The following SNX29 variants were observed in gnomAD, a reference collection of about 807,000 sequenced individuals.
SNX29 encodes sorting nexin-29.
A neutral mutation model predicts 102.1 loss-of-function variants in SNX29; 78 were observed. The ratio of observed to expected loss-of-function variants is 0.76; its 90% CI spans 0.64 to 0.92. The LOEUF (loss-of-function observed/expected upper bound fraction) is 0.92. Ranked by LOEUF, SNX29 falls within the 40% of genes least tolerant of loss-of-function variation. SNX29 has a pLI of 0.00. For missense variants in SNX29, 1,280 were observed against 1,061.7 expected, an observed-to-expected ratio of 1.21 and a Z score of -2.86; for synonymous variants, 580 against 414.5, an observed-to-expected ratio of 1.40 and a Z score of -4.85.
chr16:12,370,268 A>C (rs550366824), intron 16 of SNX29, among the ~76,000 whole-genome samples: 1 of 150,782 alleles, frequency 6.6e-6, no homozygotes, highest in South Asian at 2.1e-4. Context: ...ATCAACAACA[A>C]AAATAAAGGT....
chr16:12,564,942 A>AC (rs1567215142), intron 20 of SNX29, among the ~76,000 whole-genome samples: 1 of 83,900 alleles, frequency 1.2e-5, no homozygotes, highest in Non-Finnish European at 2.3e-5. Flanking sequence ...GTTAAAAAAA[A>AC]AAAAAAAAAG....
chr16:12,032,061 C>G (rs2057359653), intron 4 of SNX29, among the ~76,000 whole-genome samples: 3 of 152,186 alleles, frequency 2.0e-5, no homozygotes, highest in African/African-American at 7.2e-5. Context: ...CTTTCTGCCT[C>G]AGTGCATTCT....
At chr16:12,359,486 G>C (rs939812802) in intron 16 of SNX29, among the ~76,000 whole-genome samples, 7 of 152,048 alleles carry the variant, frequency 4.6e-5, no homozygotes, top group African/African-American at 1.4e-4. Context: ...ACAGTATTTG[G>C]TTTTCTTGCT....
At chr16:12,220,948 A>G (rs2077459639) in intron 14 of SNX29, among the ~76,000 whole-genome samples, 1 of 152,142 alleles carries the variant, frequency 6.6e-6, no homozygotes, top group Admixed American at 6.5e-5. Flanking sequence ...AGCGCTGCAC[A>G]TTTTCTAAAA....
At chr16:12,561,456 C>T (rs1221786484) in intron 20 of SNX29, among the ~76,000 whole-genome samples, 2 of 152,158 alleles carry the variant, frequency 1.3e-5, no homozygotes, top group Non-Finnish European at 2.9e-5. Context: ...GCTTCAAAGG[C>T]AGCTCCTAGT....
rs1034104010 is a variant in SNX29, at chr16:12,569,885, T to G, written c.*1256T>G. 1 of 231,338 alleles carries G rather than the reference T, an allele frequency of 4.3e-6. No homozygotes were observed. The highest frequency in any genetic ancestry group is 8.5e-6 in the Non-Finnish European group (1 of 117,004). 14.3% of individuals were successfully genotyped at this position (231,338 alleles called of 1,614,324 possible). ...TGGACTATGCAAGAGTAAGTTTGTGTGTTTCGCCTTAATCTGAGGCAGAGA... is the reference window on the plus strand; with the variant it reads ...TGGACTATGCAAGAGTAAGTTTGTGGGTTTCGCCTTAATCTGAGGCAGAGA... On this transcript the variant is annotated 3_prime_UTR_variant, in exon 21 of 21. Transcript: ENST00000566228.
Position 12,277,915 on chromosome 16 carries a change from G to A in SNX29, c.1679-18G>A. 2 of 1,585,232 alleles carry A rather than the reference G, an allele frequency of 1.3e-6. No homozygotes were observed. The highest frequency in any genetic ancestry group is 8.6e-7 in the Non-Finnish European group (1 of 1,162,626). On this transcript the variant is annotated intron_variant, in intron 14 of 20. Coordinates refer to ENST00000566228, the MANE Select transcript of SNX29 (RefSeq NM_032167.5). ...GATACTGTTGAAATATTTATGACAT[G>A]TCTCTCTTTCTCTAAAGTGCCAAAT...
At chr16:12,350,345 T>C (rs2151291285) in intron 15 of SNX29, among the ~76,000 whole-genome samples, 1 of 152,318 alleles carries the variant, frequency 6.6e-6, no homozygotes, top group East Asian at 1.9e-4. Flanking sequence ...AGCACTTACA[T>C]CATATCAGGT....
chr16:12,085,267 C>T (rs2052106766), intron 11 of SNX29, among the ~76,000 whole-genome samples: 1 of 152,144 alleles, frequency 6.6e-6, no homozygotes, highest in African/African-American at 2.4e-5. Context: ...GTTAAGAACA[C>T]AGCAGGTCCG....
At chr16:12,247,803 T>G (rs1297213089) in intron 14 of SNX29, among the ~76,000 whole-genome samples, 2 of 152,192 alleles carry the variant, frequency 1.3e-5, no homozygotes, top group African/African-American at 4.8e-5. Context: ...TTGGAGAGTC[T>G]TCCAAAAGTA....
In SNX29 at chr16:12,361,088, G is replaced by C. The variant is rs528160237; in HGVS notation, c.1899+4809G>C. Among the ~76,000 whole-genome samples the C allele has an allele frequency of 3.9e-5, 6 of 152,362 alleles. 1 individual carries two copies. Among genetic ancestry groups the C allele is most frequent in the African/African-American group, 1.4e-4 (6 of 41,582 alleles). ...CCTGCCACCCGTGTTGCACATTAGA[G>C]ACTTGGGCAGCATCTAATCTACCTC... On this transcript the variant is annotated intron_variant, in intron 16 of 20. Transcript: ENST00000566228.
intron 20 of SNX29, among the ~76,000 whole-genome samples, chr16:12,528,602 C>T (rs1293550520): frequency 6.6e-6 from 1 of 152,186 alleles, no homozygotes; most frequent in African/African-American, 2.4e-5. Context: ...CCTGTTGTCT[C>T]CTGGGCACTG....
rs548786830 is a variant in SNX29 at position 12,313,156 on chromosome 16, G to A, written c.1782+35120G>A. Among the ~76,000 whole-genome samples the A allele has an allele frequency of 3.3e-5, 5 of 152,148 alleles. No homozygotes were observed. The South Asian group carries it at 6.2e-4, about 19-fold the overall frequency. On this transcript the variant is annotated intron_variant, in intron 15 of 20. Transcript: ENST00000566228. ...AGCCTCCTGAGTAGCTGGGACTATA[G>A]GCGCCCACCACCATGCCCGGCTAAT...
chr16:12,545,998 G>C (rs773134600), intron 20 of SNX29, among the ~76,000 whole-genome samples: 3 of 152,146 alleles, frequency 2.0e-5, no homozygotes, highest in African/African-American at 7.2e-5. Context: ...TTGAACACCT[G>C]GATGCCAAAA....
At chr16:12,407,048 G>A (rs552513192) in intron 18 of SNX29, among the ~76,000 whole-genome samples, 2 of 152,366 alleles carry the variant, frequency 1.3e-5, no homozygotes, top group South Asian at 4.1e-4. Context: ...AGGTCTGCAG[G>A]GCGGCTGCCT....
At chr16:12,272,408 C>T (rs1404749868) in intron 14 of SNX29, among the ~76,000 whole-genome samples, 1 of 152,240 alleles carries the variant, frequency 6.6e-6, no homozygotes, top group African/African-American at 2.4e-5. Flanking sequence ...TAGAGCAGGG[C>T]TGTGAGTTCG....
intron 11 of SNX29, among the ~76,000 whole-genome samples, chr16:12,102,654 A>C (rs1262905961): frequency 6.6e-6 from 1 of 152,192 alleles, no homozygotes; most frequent in Non-Finnish European, 1.5e-5. Flanking sequence ...CCGGCACAAG[A>C]CAAGGATGCC....
intron 20 of SNX29, among the ~76,000 whole-genome samples, chr16:12,568,127 T>C (rs149845209): frequency 1.4e-4 from 21 of 152,308 alleles, no homozygotes; most frequent in African/African-American, 4.8e-4. Flanking sequence ...TTATGTAGTG[T>C]TCTCCAAAGT....
intron 14 of SNX29, among the ~76,000 whole-genome samples, chr16:12,251,772 TC>T (rs2078430076): frequency 6.6e-6 from 1 of 152,048 alleles, no homozygotes; most frequent in Admixed American, 6.6e-5. Flanking sequence ...ATTTTTTTTT[TC>T]TTTAGAGACA....
Sources: allele counts gnomAD v4.1 joint callset (sites outside exome capture counted in the v4.1 genomes callset), GRCh38; gene constraint gnomAD v4.1.1; transcripts MANE v1.5; gene names NCBI Gene and HGNC (gene_info 2026-07-23, HGNC 2026-07-21).